The following ARHGAP5 variants were observed in gnomAD, a reference collection of about 807,000 sequenced individuals.
ARHGAP5 encodes rho GTPase-activating protein 5.
In ARHGAP5, 23 loss-of-function variants were observed where a neutral mutation model predicts 116.6. The observed-to-expected ratio is 0.20, with a 90% confidence interval of 0.14 to 0.28. The LOEUF (loss-of-function observed/expected upper bound fraction) is 0.28. Ranked by LOEUF, ARHGAP5 falls within the 10% of genes least tolerant of loss-of-function variation. The pLI is 1.00. For missense variants in ARHGAP5, 1,405 were observed against 1,774.8 expected (o/e 0.79, Z 3.74); for synonymous variants, 574 against 602.0 (o/e 0.95, Z 0.68).
chr14:32,154,610 C>T lies in ARHGAP5; in HGVS notation c.4182-11C>T, dbSNP rs761411104. On this transcript the variant is annotated splice_polypyrimidine_tract_variant and intron_variant, in intron 6 of 6. Coordinates refer to ENST00000345122, the MANE Select transcript of ARHGAP5 (RefSeq NM_001030055.2). ...TTGATTTCTAAATGTTTTTTCCTTT[C>T]ATAATTTCAGGGTTAGTCAGCAACA... is the stretch of plus-strand genomic sequence containing the variant. 2 of 1,572,518 alleles carry T rather than the reference C, an allele frequency of 1.3e-6. No homozygotes were observed. The highest frequency in any genetic ancestry group is 3.7e-5 in the Admixed American group (2 of 53,578).
At chr14:32,143,233 G>GTTATTATTATTATTATTA (rs1182495202) in intron 3 of ARHGAP5, among the ~76,000 whole-genome samples, 8 of 149,320 alleles carry the variant, frequency 5.4e-5, no homozygotes, top group African/African-American at 2.0e-4. Flanking sequence ...TGTTGTTGTT[G>GTTATTATTATTATTATTA]TTGTTGTTAT....
chr14:32,133,425 T>G (rs1221117764), intron 3 of ARHGAP5, among the ~76,000 whole-genome samples: 3 of 152,234 alleles, frequency 2.0e-5, no homozygotes, highest in Non-Finnish European at 4.4e-5. Flanking sequence ...TTTTGCACAT[T>G]GATTTTGTAT....
chr14:32,145,092 G>A (rs1349554735), intron 3 of ARHGAP5, among the ~76,000 whole-genome samples: 1 of 152,170 alleles, frequency 6.6e-6, no homozygotes, highest in Non-Finnish European at 1.5e-5. Flanking sequence ...CTCCTCTGAC[G>A]TTGCACCAGC....
At chr14:32,089,334 A>G (rs2041861709) in intron 1 of ARHGAP5, among the ~76,000 whole-genome samples, 1 of 151,614 alleles carries the variant, frequency 6.6e-6, no homozygotes, top group African/African-American at 2.4e-5. Context: ...TACTTTTCTT[A>G]GATTTTTTTT....
rs148782993 is a variant in ARHGAP5, at chr14:32,091,695, A to G, written c.1026A>G (p.Leu342=). 1,132 of 1,610,344 alleles carry G rather than the reference A, an allele frequency of 7.0e-4. 14 individuals carry two copies. In the African/African-American group the frequency reaches 0.014, roughly 20 times the overall value. The change falls in exon 2 of 7, where the codon TTA becomes TTG. Residue 342 remains leucine, a synonymous_variant. Coordinates refer to ENST00000345122, the MANE Select transcript of ARHGAP5 (RefSeq NM_001030055.2). ...GGAGAGAAGAGTATATAAATACTTT[A>G]CCAAGAGCTTTTAACACTCTTTTGC... ...RKRREEYINT[L]PRAFNTLLPN...
At chr14:32,117,745 T>G (rs1879675321) in intron 3 of ARHGAP5, among the ~76,000 whole-genome samples, 1 of 152,232 alleles carries the variant, frequency 6.6e-6, no homozygotes, top group Non-Finnish European at 1.5e-5. Flanking sequence ...ATGCTACTAT[T>G]TATTCAGTTC....
chr14:32,106,458 G>A (rs1442455755), intron 2 of ARHGAP5, among the ~76,000 whole-genome samples: 1 of 152,200 alleles, frequency 6.6e-6, no homozygotes, highest in Non-Finnish European at 1.5e-5. Flanking sequence ...AATGTATGAT[G>A]GATCCAGTTT....
intron 3 of ARHGAP5, among the ~76,000 whole-genome samples, chr14:32,117,968 G>A (rs921907927): frequency 6.8e-6 from 1 of 146,520 alleles, no homozygotes; most frequent in Non-Finnish European, 1.5e-5. Flanking sequence ...TGAAACCTTA[G>A]TGACTGAATG....
intron 2 of ARHGAP5, among the ~76,000 whole-genome samples, chr14:32,105,644 A>G (rs1304849310): frequency 2.0e-5 from 3 of 152,086 alleles, no homozygotes; most frequent in Non-Finnish European, 4.4e-5. Flanking sequence ...TAATTTGTAC[A>G]TGTGTATATT....
intron 2 of ARHGAP5, among the ~76,000 whole-genome samples, chr14:32,114,883 C>T (rs185877353): frequency 3.9e-5 from 6 of 152,316 alleles, no homozygotes; most frequent in Admixed American, 3.3e-4. Context: ...TGCCTGTGCG[C>T]CTTCCCCTGC....
In ARHGAP5 at chr14:32,093,514, T is replaced by A; in HGVS notation, c.2845T>A (p.Tyr949Asn). The change falls in exon 2 of 7, where the codon TAT (tyrosine) becomes AAT (asparagine). Residue 949 changes from tyrosine to asparagine, a missense_variant. Around this residue, in one of 6 missense-constraint regions of ARHGAP5, gnomAD observed 944 missense variants for 1,095.3 expected, o/e 0.86. Coordinates refer to ENST00000345122, the MANE Select transcript of ARHGAP5 (RefSeq NM_001030055.2). ...GAAAAAAAATATGATAGAAAATTCT[T>A]ATTTGTCTGATAATACAAGGGAATC... ...LEKKNMIENS[Y>N]LSDNTRESTH... The A allele has an allele frequency of 6.2e-7, 1 of 1,613,156 alleles. No individual in the cohort carries two copies. The highest frequency in any genetic ancestry group is 1.7e-5 in the Admixed American group (1 of 59,852).
At chr14:32,145,060 A>G (rs915992220) in intron 3 of ARHGAP5, among the ~76,000 whole-genome samples, 1 of 152,148 alleles carries the variant, frequency 6.6e-6, no homozygotes, top group African/African-American at 2.4e-5. Flanking sequence ...TTGGAATATT[A>G]CTCAAATCTA....
intron 3 of ARHGAP5, among the ~76,000 whole-genome samples, chr14:32,125,729 T>C (rs1189409173): frequency 6.6e-6 from 1 of 152,240 alleles, no homozygotes; most frequent in African/African-American, 2.4e-5. Flanking sequence ...TTTGTCAGTA[T>C]TGTGATTTTA....
intron 3 of ARHGAP5, among the ~76,000 whole-genome samples, chr14:32,134,476 C>CT (rs1224397604): frequency 6.6e-6 from 1 of 152,144 alleles, no homozygotes; most frequent in Non-Finnish European, 1.5e-5. Flanking sequence ...TACTTCATCC[C>CT]TATCAGCTTT....
intron 3 of ARHGAP5, among the ~76,000 whole-genome samples, chr14:32,133,630 G>T (rs919242119): frequency 6.6e-6 from 1 of 152,156 alleles, no homozygotes; most frequent in Non-Finnish European, 1.5e-5. Context: ...TTGAATAGGA[G>T]TGGTGAGAGA....
At position 32,091,659 on chromosome 14, in the gene ARHGAP5, T is replaced by C. The variant is rs1878252614; in HGVS notation, c.990T>C (p.His330=). The C allele has an allele frequency of 6.2e-6, 10 of 1,609,736 alleles. No individual in the cohort carries two copies. The highest frequency in any genetic ancestry group is 8.5e-6 in the Non-Finnish European group (10 of 1,178,470). The part of the protein sequence containing the change: ...SKHIEQLKQE[H]IRKRREEYIN... ...ATATAGAACAACTTAAACAGGAACA[T>C]ATAAGAAAAAGGAGAGAAGAGTATA... The change falls in exon 2 of 7, where the codon CAT becomes CAC. Residue 330 remains histidine (H), a synonymous_variant. Transcript: ENST00000345122.
Position 32,154,912 on chromosome 14 carries a change from A to G in ARHGAP5, c.4473A>G (p.Gln1491=). Residue 1491 remains glutamine, a synonymous_variant, in exon 7 of 7, where the codon CAA becomes CAG. Transcript: ENST00000345122. ...CACCATTGCAACCTCAGCTGATACA[A>G]CCACAATTACAAACGGATCCTCTTG... ...LPPPLQPQLI[Q]PQLQTDPLGI... 8 of 1,613,874 alleles carry G rather than the reference A, an allele frequency of 5.0e-6. No homozygotes were observed. The highest frequency in any genetic ancestry group is 5.9e-6 in the Non-Finnish European group (7 of 1,179,824).
chr14:32,092,874 T>C lies in ARHGAP5; in HGVS notation c.2205T>C (p.Gly735=), dbSNP rs1225584001. The change falls in exon 2 of 7, where the codon GGT becomes GGC. Residue 735 remains glycine, a synonymous_variant. Transcript: ENST00000345122. This position sits in a 1 kb window ranked among gnomAD's most constrained non-coding sequence, Gnocchi z 4.1. ...GTCCTTTTGTAGATGTACCTGCTGG[T>C]ACATATCCTCGTAAATTTAATGAAA... The part of the protein sequence containing the change: ...LQCPFVDVPA[G]TYPRKFNETQ... 2 of 1,613,934 alleles carry C rather than the reference T, an allele frequency of 1.2e-6. No individual in the cohort carries two copies. The highest frequency in any genetic ancestry group is 2.7e-5 in the African/African-American group (2 of 74,928).
chr14:32,083,768 A>G (rs564017844), intron 1 of ARHGAP5, among the ~76,000 whole-genome samples: 27 of 152,292 alleles, frequency 1.8e-4, no homozygotes, highest in Non-Finnish European at 3.2e-4. Flanking sequence ...TTCCTCTACT[A>G]TATGGCATTG....
Sources: gnomAD v4.1 joint callset for allele counts (sites outside exome capture counted in the v4.1 genomes callset) on GRCh38, gnomAD v4.1.1 for gene constraint, gnomAD v4.1.1 regional missense constraint, Gnocchi (gnomAD v3.1) non-coding constraint, MANE v1.5 for transcripts, NCBI Gene and HGNC (gene_info 2026-07-23, HGNC 2026-07-21) for gene names.